The following VPS13B variants were observed in gnomAD, a reference collection of about 807,000 sequenced individuals.
The protein encoded by VPS13B is vacuolar protein sorting 13 homolog B.
In VPS13B, 285 loss-of-function variants were observed where a neutral mutation model predicts 426.4. That is an observed-to-expected ratio of 0.67 (90% CI 0.61 to 0.74). The LOEUF (loss-of-function observed/expected upper bound fraction) is 0.74, where lower values mean the gene tolerates loss of function less well. Among genes scored for constraint, VPS13B ranks in the 30% least tolerant of loss-of-function variants. The pLI is 0.00. For synonymous variants in VPS13B, 1,676 were observed against 1,676.4 expected, an observed-to-expected ratio of 1.00 and a Z score of 0.01; for missense variants, 4,537 against 4,782.6, an observed-to-expected ratio of 0.95 and a Z score of 1.51.
chr8:99,671,501 T>C (rs905697074), intron 35 of VPS13B, among the ~76,000 whole-genome samples: 1 of 152,314 alleles, frequency 6.6e-6, no homozygotes, highest in African/African-American at 2.4e-5. Context: ...ATTTTTGCTT[T>C]TGTTGCTGGT....
chr8:99,365,642 G>A (rs534707135), intron 19 of VPS13B, among the ~76,000 whole-genome samples: 6 of 148,624 alleles, frequency 4.0e-5, no homozygotes, highest in Admixed American at 3.4e-4. Context: ...TCAGCCTCCC[G>A]AGTAGCTGGG....
intron 36 of VPS13B, among the ~76,000 whole-genome samples, chr8:99,711,838 G>A (rs1453548209): frequency 6.6e-6 from 1 of 152,138 alleles, no homozygotes; most frequent in Admixed American, 6.5e-5. Flanking sequence ...CCAATATATG[G>A]TAGATAACCA....
intron 21 of VPS13B, among the ~76,000 whole-genome samples, chr8:99,404,643 C>T (rs994619298): frequency 1.3e-5 from 2 of 152,124 alleles, no homozygotes; most frequent in Non-Finnish European, 2.9e-5. Flanking sequence ...ACTTTCTCTT[C>T]AAGTTATTTA....
intron 39 of VPS13B, among the ~76,000 whole-genome samples, chr8:99,753,260 A>G (rs1399125612): frequency 6.6e-6 from 1 of 152,140 alleles, no homozygotes; most frequent in Non-Finnish European, 1.5e-5. Flanking sequence ...CTATCTTCCT[A>G]AATTTTTGTG....
chr8:99,100,986 G>T (rs369107116), intron 4 of VPS13B, among the ~76,000 whole-genome samples: 1 of 151,750 alleles, frequency 6.6e-6, no homozygotes, highest in Non-Finnish European at 1.5e-5. Context: ...GGAGGTTGTC[G>T]TGAGTTGAGA....
chr8:99,808,259 G>A (rs960261785), intron 43 of VPS13B, among the ~76,000 whole-genome samples: 3 of 152,030 alleles, frequency 2.0e-5, no homozygotes, highest in South Asian at 2.1e-4. Context: ...AGTGGCTCAC[G>A]CCTGTAATCC....
intron 33 of VPS13B, among the ~76,000 whole-genome samples, chr8:99,638,677 C>T (rs540114577): frequency 7.9e-5 from 12 of 152,140 alleles, no homozygotes; most frequent in South Asian, 6.2e-4. Context: ...AGGACACAGA[C>T]GGAAGAGATA....
chr8:99,066,509 G>T (rs1015307955), intron 3 of VPS13B, among the ~76,000 whole-genome samples: 1 of 152,142 alleles, frequency 6.6e-6, no homozygotes, highest in Non-Finnish European at 1.5e-5. Flanking sequence ...ATTCAAGATG[G>T]ATTAAAGACT....
intron 14 of VPS13B, 122 bp downstream of exon 14, chr8:99,148,132 A>T: frequency 2.8e-6 from 3 of 1,081,048 alleles, no homozygotes; most frequent in Non-Finnish European, 2.7e-6. Flanking sequence ...AATCCTGGCA[A>T]TTCAGGAGGC....
intron 43 of VPS13B, among the ~76,000 whole-genome samples, chr8:99,788,383 T>TAAA (rs5893498): frequency 2.9e-5 from 3 of 102,910 alleles, no homozygotes; most frequent in Non-Finnish European, 4.0e-5. Context: ...GACCCCATCT[T>TAAA]AAAAAAAAAA....
chr8:99,053,128 AATT>A lies in VPS13B; in HGVS notation c.291+14566_291+14568del, dbSNP rs1843650470. On this transcript the variant is annotated intron_variant, in intron 3 of 61. Coordinates refer to ENST00000357162, the MANE Select transcript of VPS13B (RefSeq NM_152564.5). ...TAGTTCTTTAATTTTTTAATTATTT[AATT>A]ATTTATTTATTTTTTATTTTTAGTA... is the stretch of plus-strand genomic sequence containing the variant. 2.0e-5 allele frequency among the ~76,000 whole-genome samples: 3 copies of A among 151,022 alleles called. No homozygotes were observed. In the South Asian group the frequency reaches 6.3e-4, roughly 31 times the overall value.
chr8:99,780,993 T>C (rs1271696364), intron 42 of VPS13B, among the ~76,000 whole-genome samples: 2 of 152,180 alleles, frequency 1.3e-5, no homozygotes, highest in African/African-American at 4.8e-5. Context: ...GTGAAAAATA[T>C]GAATTTAATA....
intron 28 of VPS13B, chr8:99,507,874 A>C: frequency 6.2e-7 from 1 of 1,614,138 alleles, no homozygotes; most frequent in Non-Finnish European, 8.5e-7. Flanking sequence ...ATCAGCAAGC[A>C]GGACCCTTTC....
At chr8:99,489,314 G>A (rs1820469069) in intron 25 of VPS13B, among the ~76,000 whole-genome samples, 1 of 151,800 alleles carries the variant, frequency 6.6e-6, no homozygotes, top group African/African-American at 2.4e-5. Flanking sequence ...AAGTCAGGTA[G>A]CGTGATGCCA....
chr8:99,267,572 C>CA (rs1170789827), intron 17 of VPS13B, among the ~76,000 whole-genome samples: 1 of 151,664 alleles, frequency 6.6e-6, no homozygotes, highest in Non-Finnish European at 1.5e-5. Context: ...ACTAAAAATA[C>CA]AAAAATTAGT....
intron 23 of VPS13B, among the ~76,000 whole-genome samples, chr8:99,443,921 TATA>T (rs1188529087): frequency 1.3e-5 from 2 of 152,176 alleles, no homozygotes; most frequent in African/African-American, 4.8e-5. Flanking sequence ...TGCACCATTT[TATA>T]ATACCACATT....
chr8:99,107,691 C>A (rs947813804), intron 5 of VPS13B, among the ~76,000 whole-genome samples: 1 of 152,098 alleles, frequency 6.6e-6, no homozygotes, highest in East Asian at 1.9e-4. Context: ...TTCCTTGTTA[C>A]GTGTTTGAAT....
intron 3 of VPS13B, among the ~76,000 whole-genome samples, chr8:99,070,019 C>G (rs2132330594): frequency 6.6e-6 from 1 of 152,282 alleles, no homozygotes; most frequent in East Asian, 1.9e-4. Flanking sequence ...TTCCCCCCGC[C>G]ACGGCATCCC....
chr8:99,351,431 A>AGTGTGTGT (rs1476078907), intron 19 of VPS13B, among the ~76,000 whole-genome samples: 1,533 of 147,554 alleles, frequency 0.01, 31 homozygotes, highest in African/African-American at 0.037. Context: ...AGAGAGAGAG[A>AGTGTGTGT]GAGAGTGTGT....
Sources: gnomAD v4.1 joint callset for allele counts (sites outside exome capture counted in the v4.1 genomes callset) on GRCh38, gnomAD v4.1.1 for gene constraint, MANE v1.5 for transcripts, NCBI Gene and HGNC (gene_info 2026-07-23, HGNC 2026-07-21) for gene names.